CLNK: variants seen among roughly 807,000 people sequenced by gnomAD.
CLNK encodes cytokine dependent hematopoietic cell linker, also known as cytokine-dependent hematopoietic cell linker.
A neutral mutation model predicts 68.6 loss-of-function variants in CLNK; 74 were observed. The observed-to-expected ratio is 1.08, with a 90% CI of 0.89 to 1.31. The LOEUF is 1.31. CLNK is among the 50% of genes most tolerant of loss of function. CLNK has a pLI of 0.00. For synonymous variants in CLNK, 198 were observed against 172.2 expected, an observed-to-expected ratio of 1.15 and a Z score of -1.17; for missense variants, 553 against 515.3, an observed-to-expected ratio of 1.07 and a Z score of -0.71.
At chr4:10,692,742 T>C in the CLNK span, among the ~76,000 whole-genome samples, 2 of 152,338 alleles carry the variant, frequency 1.3e-5, no homozygotes, top group East Asian at 3.9e-4. Context: ...TGAATATTAA[T>C]AAAGGAATGA....
intron 2 of CLNK, among the ~76,000 whole-genome samples, chr4:10,638,723 C>T (rs1723190700): frequency 6.6e-6 from 1 of 152,166 alleles, no homozygotes; most frequent in South Asian, 2.1e-4. Context: ...TATTAGTTTG[C>T]TTGGGCTTGC....
intron 18 of CLNK, among the ~76,000 whole-genome samples, chr4:10,495,324 C>T (rs1250177545): frequency 6.6e-6 from 1 of 152,110 alleles, no homozygotes; most frequent in Non-Finnish European, 1.5e-5. Flanking sequence ...ACTTAAGCTC[C>T]GCAGGTTGTT....
Position 10,667,889 on chromosome 4 carries a change from G to T in CLNK, c.-20C>A. ...GTTCATAGTTCTTGGCACCTGGCGGGTAAGAGGGATCTTCAATTCAGCCTG... is the reference window on the plus strand; with the variant it reads ...GTTCATAGTTCTTGGCACCTGGCGGTTAAGAGGGATCTTCAATTCAGCCTG... On this transcript the variant is annotated 5_prime_UTR_variant, in exon 2 of 19. Transcript: ENST00000226951. 1 of 1,356,412 alleles carries T rather than the reference G, an allele frequency of 7.4e-7. No individual in the cohort carries two copies. Among genetic ancestry groups the T allele is most frequent in the South Asian group, 1.4e-5 (1 of 72,180 alleles). The allele number at this position is 1,356,412 out of a possible 1,614,324, so 84.0% of individuals were successfully genotyped here. A position where few individuals can be genotyped will look rare whatever the true frequency, so the allele number is the denominator to read the frequency against.
intron 4 of CLNK, among the ~76,000 whole-genome samples, chr4:10,580,120 G>C (rs75837398): frequency 6.6e-5 from 10 of 151,908 alleles, no homozygotes; most frequent in Admixed American, 2.0e-4. Context: ...TATCCAGTTC[G>C]GCACAAGACT....
chr4:10,597,480 T>C lies in CLNK; in HGVS notation c.83+498A>G, dbSNP rs1242594098. ...CTCCTTGAGGGAGAGACTTTGTCTT[T>C]TGTTGCTGCATTTTCAGTAGTCTAT... On this transcript the variant is annotated intron_variant, in intron 3 of 18. Coordinates refer to ENST00000226951, the MANE Select transcript of CLNK (RefSeq NM_052964.4). Among the ~76,000 whole-genome samples the C allele has an allele frequency of 1.3e-4, 20 of 152,218 alleles. 1 individual carries two copies. Among genetic ancestry groups the C allele is most frequent in the Admixed American group, 1.2e-3 (19 of 15,282 alleles).
At chr4:10,502,479 C>G (rs1228118015) in intron 17 of CLNK, among the ~76,000 whole-genome samples, 1 of 151,994 alleles carries the variant, frequency 6.6e-6, no homozygotes, top group East Asian at 1.9e-4. Context: ...GGGTCACAGA[C>G]AAACCATGCC....
rs185020520 is a variant in CLNK, at chr4:10,576,807, C to T, written c.113-5029G>A. Among the ~76,000 whole-genome samples, 532 of 152,312 alleles carry T rather than the reference C, an allele frequency of 3.5e-3. 3 individuals carry two copies. Among genetic ancestry groups the T allele is most frequent in the African/African-American group, 0.012 (488 of 41,574 alleles). The stretch of plus-strand genomic sequence containing the variant: ...TTTATTCACCTTGAAGTTTTAGAAC[C>T]GCTAAGTTAGAAGCTCCAATTCCCT... On this transcript the variant is annotated intron_variant, in intron 4 of 18. Coordinates refer to ENST00000226951, the MANE Select transcript of CLNK (RefSeq NM_052964.4).
intron 3 of CLNK, among the ~76,000 whole-genome samples, chr4:10,594,903 T>C (rs577826867): frequency 1.3e-4 from 20 of 152,184 alleles, no homozygotes; most frequent in Non-Finnish European, 2.4e-4. Flanking sequence ...GAGACCAGCC[T>C]GACCAACTTG....
the CLNK span, among the ~76,000 whole-genome samples, chr4:10,721,373 A>C: frequency 6.6e-6 from 1 of 152,218 alleles, no homozygotes; most frequent in Non-Finnish European, 1.5e-5. Context: ...TATTTCTTAA[A>C]ACTGCATGAG....
At chr4:10,596,863 T>C (rs373956123) in intron 3 of CLNK, among the ~76,000 whole-genome samples, 1 of 152,238 alleles carries the variant, frequency 6.6e-6, no homozygotes, top group Non-Finnish European at 1.5e-5. Context: ...TTGATGTATG[T>C]AATTGCTTCA....
intron 2 of CLNK, among the ~76,000 whole-genome samples, chr4:10,653,841 G>T (rs952711267): frequency 6.6e-6 from 1 of 152,138 alleles, no homozygotes; most frequent in Admixed American, 6.5e-5. Flanking sequence ...AGGCACAACA[G>T]ACTTTAAAAT....
chr4:10,618,631 A>G (rs996898459), intron 2 of CLNK, among the ~76,000 whole-genome samples: 1 of 152,236 alleles, frequency 6.6e-6, no homozygotes, highest in Non-Finnish European at 1.5e-5. Flanking sequence ...TGCAGGCTGT[A>G]CGGGAAGCAT....
chr4:10,498,473 C>G (rs1716903764), intron 18 of CLNK, among the ~76,000 whole-genome samples: 2 of 152,180 alleles, frequency 1.3e-5, no homozygotes, highest in South Asian at 4.1e-4. Flanking sequence ...GCCTGGGTGA[C>G]AGAGCAAGAC....
At chr4:10,567,971 G>A (rs949788528) in intron 5 of CLNK, among the ~76,000 whole-genome samples, 25 of 152,230 alleles carry the variant, frequency 1.6e-4, no homozygotes, top group African/African-American at 5.5e-4. Context: ...CATTGCTGAT[G>A]GGAATGTAAC....
chr4:10,560,304 C>G (rs181629154), intron 7 of CLNK, among the ~76,000 whole-genome samples: 1 of 152,260 alleles, frequency 6.6e-6, no homozygotes, highest in East Asian at 1.9e-4. Flanking sequence ...AGTACATGCT[C>G]AATAAATAGA....
intron 16 of CLNK, among the ~76,000 whole-genome samples, chr4:10,511,165 A>G (rs1476385168): frequency 6.6e-6 from 1 of 151,820 alleles, no homozygotes; most frequent in Non-Finnish European, 1.5e-5. Context: ...GTCTCAAAAA[A>G]AATTAAAAAA....
In CLNK at chr4:10,566,133, T is replaced by C. The variant is rs1720102024; in HGVS notation, c.168A>G (p.Ala56=). ...TGTGGCCTTTTGCTCCATCCAGGAC[T>C]GCAGCAAAGTTTCTTTCCTAAGCAG... The part of the protein sequence containing the change: ...PLLDWERNFA[A]VLDGAKGHSD... The change falls in exon 6 of 19, where the codon GCA becomes GCG. Residue 56 remains alanine, a synonymous_variant. Coordinates refer to ENST00000226951, the MANE Select transcript of CLNK (RefSeq NM_052964.4). 1.9e-6 allele frequency: 3 copies of C among 1,613,334 alleles called. No homozygotes were observed. The highest frequency in any genetic ancestry group is 2.5e-6 in the Non-Finnish European group (3 of 1,179,584).
chr4:10,693,425 G>A, the CLNK span, among the ~76,000 whole-genome samples: 6 of 152,208 alleles, frequency 3.9e-5, no homozygotes, highest in African/African-American at 1.4e-4. Context: ...AAGAAACAGA[G>A]ACACACAGGG....
At chr4:10,650,643 G>A (rs906988326) in intron 2 of CLNK, among the ~76,000 whole-genome samples, 9 of 152,070 alleles carry the variant, frequency 5.9e-5, no homozygotes, top group Admixed American at 1.3e-4. Flanking sequence ...AAATTCTAAT[G>A]AAGTTATCAT....
Sources: allele counts gnomAD v4.1 joint callset (sites outside exome capture counted in the v4.1 genomes callset), GRCh38; gene constraint gnomAD v4.1.1; transcripts MANE v1.5; gene names NCBI Gene and HGNC (gene_info 2026-07-23, HGNC 2026-07-21).